Variants in HDAC4 observed in about 807,000 individuals in gnomAD.
The protein encoded by HDAC4 is histone deacetylase 4.
In HDAC4, 16 loss-of-function variants were observed where a neutral mutation model predicts 135.1. That is an observed-to-expected ratio of 0.12 (90% CI 0.08 to 0.18). The LOEUF is 0.18. HDAC4 is among the 10% of genes least tolerant of loss of function. HDAC4 has a pLI of 1.00. For missense variants in HDAC4, 1,143 were observed against 1,511.8 expected (o/e 0.76, Z 4.05); for synonymous variants, 685 against 653.4 (o/e 1.05, Z -0.74).
At chr2:239,090,926 A>C (rs2036450256) in intron 17 of HDAC4, among the ~76,000 whole-genome samples, 1 of 152,222 alleles carries the variant, frequency 6.6e-6, no homozygotes, top group Non-Finnish European at 1.5e-5. Context: ...TCCTGTGCCG[A>C]GTTTAACTGG....
chr2:239,247,851 C>T (rs1021802335), intron 2 of HDAC4, among the ~76,000 whole-genome samples: 2 of 152,288 alleles, frequency 1.3e-5, no homozygotes, highest in Non-Finnish European at 1.5e-5. Flanking sequence ...GAACGGAGGG[C>T]GCTGACCACA....
intron 20 of HDAC4, 35 bp from the exon 21 acceptor site, chr2:239,082,256 G>C (rs1021215152): frequency 1.2e-6 from 2 of 1,613,948 alleles, no homozygotes; most frequent in Admixed American, 1.7e-5. Flanking sequence ...CAGGGCTGAG[G>C]CAGGTATTGG....
intron 1 of HDAC4, among the ~76,000 whole-genome samples, chr2:239,376,636 C>T (rs1380958457): frequency 6.6e-6 from 1 of 152,250 alleles, no homozygotes; most frequent in Non-Finnish European, 1.5e-5. Context: ...TGATGAACGC[C>T]ATCCAGCCAC....
intron 2 of HDAC4, among the ~76,000 whole-genome samples, chr2:239,311,643 C>T (rs532032321): frequency 2.0e-4 from 31 of 152,262 alleles, no homozygotes; most frequent in African/African-American, 7.5e-4. Context: ...CAGCTCAGCC[C>T]CTCCAAAACC....
intron 1 of HDAC4, among the ~76,000 whole-genome samples, chr2:239,398,940 G>C (rs1191543303): frequency 6.6e-6 from 1 of 152,186 alleles, no homozygotes; most frequent in Non-Finnish European, 1.5e-5. Flanking sequence ...TTTTCTAATT[G>C]ATTACTGCTC....
chr2:239,162,977 T>C (rs2042905894), intron 6 of HDAC4, among the ~76,000 whole-genome samples: 1 of 152,110 alleles, frequency 6.6e-6, no homozygotes, highest in Non-Finnish European at 1.5e-5. Flanking sequence ...AGAAATGAAA[T>C]GAACCTTGAG....
rs1256685833 is a variant in HDAC4 at position 239,285,152 on chromosome 2, G to A, written c.23-48488C>T. Among the ~76,000 whole-genome samples, 1 of 152,210 alleles carries A rather than the reference G, an allele frequency of 6.6e-6. No homozygotes were observed. Among genetic ancestry groups the A allele is most frequent in the Non-Finnish European group, 1.5e-5 (1 of 68,044 alleles). Reference sequence around the variant, plus strand: ...CCAGGTTCAAAGTTCAAAGTTCAAAGACTGCAGATGGTACAGAGAAAGCGT... The same window carrying A: ...CCAGGTTCAAAGTTCAAAGTTCAAAAACTGCAGATGGTACAGAGAAAGCGT... On this transcript the variant is annotated intron_variant, in intron 2 of 26. Transcript: ENST00000543185. This position sits in a 1 kb window ranked among gnomAD's most constrained non-coding sequence, Gnocchi z 4.5.
At chr2:239,341,242 G>A (rs552973885) in intron 2 of HDAC4, among the ~76,000 whole-genome samples, 2 of 152,372 alleles carry the variant, frequency 1.3e-5, no homozygotes, top group South Asian at 2.1e-4. Context: ...GGAAGCACAT[G>A]AGAGAGACGT....
At chr2:239,366,305 C>T (rs762025874) in intron 1 of HDAC4, among the ~76,000 whole-genome samples, 4 of 152,148 alleles carry the variant, frequency 2.6e-5, no homozygotes, top group Admixed American at 1.3e-4. Context: ...GTGGCACTGG[C>T]GGACACAGAC....
chr2:239,338,070 C>G (rs1433132469), intron 2 of HDAC4, among the ~76,000 whole-genome samples: 2 of 152,162 alleles, frequency 1.3e-5, no homozygotes, highest in Non-Finnish European at 2.9e-5. Context: ...TCAGCCCCGC[C>G]CACCAGCCAG....
intron 16 of HDAC4, among the ~76,000 whole-genome samples, chr2:239,102,098 G>A (rs1313631234): frequency 1.5e-5 from 2 of 136,412 alleles, no homozygotes; most frequent in Non-Finnish European, 3.2e-5. Flanking sequence ...CCCCGGCCCG[G>A]GGTCCACGTT....
At chr2:239,272,844 C>T (rs2050130511) in intron 2 of HDAC4, among the ~76,000 whole-genome samples, 1 of 152,302 alleles carries the variant, frequency 6.6e-6, no homozygotes, top group South Asian at 2.1e-4. Context: ...CCTCCCTAGA[C>T]CCTTAGACAG....
In HDAC4 at chr2:239,314,336, C is replaced by G. The variant is rs1176611207; in HGVS notation, c.22+38342G>C. 3.9e-5 allele frequency among the ~76,000 whole-genome samples: 6 copies of G among 152,298 alleles called. No individual in the cohort carries two copies. The South Asian group carries it at 6.2e-4, about 16-fold the overall frequency. Reference sequence around the variant, plus strand: ...CAAAACACATACGAAGGACACTCGACAAAACAAGAGAGGTCATCCAGGGTC... The same window carrying G: ...CAAAACACATACGAAGGACACTCGAGAAAACAAGAGAGGTCATCCAGGGTC... On this transcript the variant is annotated intron_variant, in intron 2 of 26. Transcript: ENST00000543185.
chr2:239,064,187 CCTGGAGATA>C (rs904245897), intron 24 of HDAC4, among the ~76,000 whole-genome samples: 5 of 152,242 alleles, frequency 3.3e-5, no homozygotes, highest in African/African-American at 1.2e-4. Context: ...GTTTGTGTCA[CCTGGAGATA>C]TTGCTGGTGT....
At chr2:239,244,942 C>G (rs925399989) in intron 2 of HDAC4, among the ~76,000 whole-genome samples, 2 of 152,200 alleles carry the variant, frequency 1.3e-5, no homozygotes, top group Admixed American at 6.5e-5. Context: ...TCCCAGGCCA[C>G]TAGATTCTGC....
At chr2:239,154,618 C>T (rs75278392) in intron 7 of HDAC4, 5,489 of 152,164 alleles carry the variant, frequency 0.036, 335 homozygotes, top group African/African-American at 0.13. Context: ...CACCACTCAC[C>T]GCGGACTTTG....
intron 17 of HDAC4, among the ~76,000 whole-genome samples, chr2:239,093,583 A>G (rs1281856202): frequency 6.6e-6 from 1 of 152,218 alleles, no homozygotes; most frequent in Non-Finnish European, 1.5e-5. Context: ...AGGAAGCCCC[A>G]CGGCCTGCAC....
At chr2:239,179,988 G>A (rs1041562653) in intron 4 of HDAC4, among the ~76,000 whole-genome samples, 1 of 152,240 alleles carries the variant, frequency 6.6e-6, no homozygotes, top group African/African-American at 2.4e-5. Flanking sequence ...AACTGTGAGC[G>A]TGCAAGGGCG....
chr2:239,281,820 T>TACACA (rs1386831192), intron 2 of HDAC4, among the ~76,000 whole-genome samples: 2 of 131,030 alleles, frequency 1.5e-5, no homozygotes, highest in Admixed American at 7.6e-5. Context: ...CACACCACTC[T>TACACA]CAATGTACAC....
Sources: gnomAD v4.1 joint callset for allele counts (sites outside exome capture counted in the v4.1 genomes callset) on GRCh38, gnomAD v4.1.1 for gene constraint, Gnocchi (gnomAD v3.1) non-coding constraint, MANE v1.5 for transcripts, NCBI Gene and HGNC (gene_info 2026-07-23, HGNC 2026-07-21) for gene names.